KCNK1: variants seen among roughly 807,000 people sequenced by gnomAD.
KCNK1 encodes potassium two pore domain channel subfamily K member 1.
In KCNK1, 10 loss-of-function variants were observed where a neutral mutation model predicts 22.2. The ratio of observed to expected loss-of-function variants is 0.45; its 90% CI spans 0.28 to 0.76. KCNK1 has a LOEUF of 0.76. Ranked by LOEUF, KCNK1 falls within the 30% of genes least tolerant of loss-of-function variation. The pLI is 0.14. For synonymous variants in KCNK1, 200 were observed against 186.4 expected (o/e 1.07, Z -0.60); for missense variants, 378 against 421.0 (o/e 0.90, Z 0.89).
At chr1:233,659,331 G>A (rs1658351712) in intron 1 of KCNK1, among the ~76,000 whole-genome samples, 1 of 151,256 alleles carries the variant, frequency 6.6e-6, no homozygotes, top group Non-Finnish European at 1.5e-5. Context: ...CACGCATGGA[G>A]CTGTCATTTC....
intron 1 of KCNK1, among the ~76,000 whole-genome samples, chr1:233,640,484 A>T (rs916727356): frequency 1.3e-5 from 2 of 152,274 alleles, no homozygotes; most frequent in Non-Finnish European, 2.9e-5. Context: ...CAGACTTAGA[A>T]GTAATTAATT....
chr1:233,627,291 G>T (rs887248983), intron 1 of KCNK1, among the ~76,000 whole-genome samples: 1 of 152,136 alleles, frequency 6.6e-6, no homozygotes, highest in African/African-American at 2.4e-5. Context: ...TAAATAACAG[G>T]AAGGGAAATA....
chr1:233,641,638 T>G (rs1200145993), intron 1 of KCNK1, among the ~76,000 whole-genome samples: 2 of 152,200 alleles, frequency 1.3e-5, no homozygotes, highest in Admixed American at 1.3e-4. Flanking sequence ...CTTCCTGTGC[T>G]GGGGTCAGGG....
chr1:233,633,475 G>A (rs57686231), intron 1 of KCNK1, among the ~76,000 whole-genome samples: 10,566 of 152,108 alleles, frequency 0.069, 1,194 homozygotes, highest in African/African-American at 0.24. Flanking sequence ...TCTTGAATCT[G>A]AGAATATGTG....
At chr1:233,643,507 CTG>C (rs2102896686) in intron 1 of KCNK1, among the ~76,000 whole-genome samples, 1 of 152,310 alleles carries the variant, frequency 6.6e-6, no homozygotes, top group Non-Finnish European at 1.5e-5. Flanking sequence ...TCTTTAAACA[CTG>C]TACCTCCTCC....
At chr1:233,657,786 C>A (rs1284333379) in intron 1 of KCNK1, among the ~76,000 whole-genome samples, 2 of 151,690 alleles carry the variant, frequency 1.3e-5, no homozygotes, top group Admixed American at 1.3e-4. Flanking sequence ...TATCTTACTG[C>A]AAATTTTACT....
intron 1 of KCNK1, among the ~76,000 whole-genome samples, chr1:233,623,290 G>A (rs927990029): frequency 2.6e-5 from 4 of 152,160 alleles, no homozygotes; most frequent in African/African-American, 9.7e-5. Flanking sequence ...GAAGGGTACG[G>A]GGAGGGGGGA....
chr1:233,629,949 TAA>T (rs1204474998), intron 1 of KCNK1: 1 of 152,114 alleles, frequency 6.6e-6, no homozygotes, highest in Non-Finnish European at 1.5e-5. Context: ...CGTAGGAATA[TAA>T]GTTTTTTCTG....
intron 1 of KCNK1, among the ~76,000 whole-genome samples, chr1:233,642,104 G>T (rs562639781): frequency 1.6e-4 from 25 of 152,182 alleles, no homozygotes; most frequent in African/African-American, 6.0e-4. Context: ...AGGGCAGAGA[G>T]CTCCCCTGCG....
intron 1 of KCNK1, among the ~76,000 whole-genome samples, chr1:233,616,291 C>T (rs570509268): frequency 1.3e-5 from 2 of 152,158 alleles, no homozygotes; most frequent in Non-Finnish European, 2.9e-5. Flanking sequence ...AGAATAAGAA[C>T]AGTTTTGAGG....
At chr1:233,626,117 C>T (rs1657684611) in intron 1 of KCNK1, among the ~76,000 whole-genome samples, 1 of 149,286 alleles carries the variant, frequency 6.7e-6, no homozygotes, top group Admixed American at 6.7e-5. Flanking sequence ...CCCAGGGGGT[C>T]ATCGGACCAC....
chr1:233,621,168 G>A (rs1018769637), intron 1 of KCNK1, among the ~76,000 whole-genome samples: 2 of 152,192 alleles, frequency 1.3e-5, no homozygotes, highest in Non-Finnish European at 2.9e-5. Flanking sequence ...ATTTCAAAAT[G>A]TGACTGTATT....
intron 1 of KCNK1, among the ~76,000 whole-genome samples, chr1:233,645,365 G>C (rs1658074941): frequency 6.6e-6 from 1 of 152,150 alleles, no homozygotes; most frequent in South Asian, 2.1e-4. Flanking sequence ...ATTAAGTTAA[G>C]GATCTCCAGA....
At chr1:233,635,610 A>G (rs1657884265) in intron 1 of KCNK1, among the ~76,000 whole-genome samples, 1 of 152,160 alleles carries the variant, frequency 6.6e-6, no homozygotes, top group African/African-American at 2.4e-5. Flanking sequence ...TTTGTTAAAA[A>G]CTAAGCTATG....
intron 1 of KCNK1, among the ~76,000 whole-genome samples, chr1:233,626,139 G>A (rs1014342208): frequency 2.0e-5 from 3 of 151,952 alleles, no homozygotes; most frequent in Admixed American, 1.3e-4. Context: ...GATGCCTCTC[G>A]GTGACTCAGA....
At chr1:233,659,493 C>A (rs959240706) in intron 1 of KCNK1, among the ~76,000 whole-genome samples, 3 of 150,802 alleles carry the variant, frequency 2.0e-5, no homozygotes, top group Non-Finnish European at 4.4e-5. Context: ...GGAATACAAT[C>A]TAAAATAATG....
intron 1 of KCNK1, among the ~76,000 whole-genome samples, chr1:233,630,159 T>A (rs1289939415): frequency 6.6e-6 from 1 of 152,166 alleles, no homozygotes; most frequent in Non-Finnish European, 1.5e-5. Flanking sequence ...GGTGTACCTG[T>A]AGGATGCTGC....
At chr1:233,666,482 T>C (rs1571905844) in intron 1 of KCNK1, 113 bp from the exon 2 acceptor site, 1 of 1,007,236 alleles carries the variant, frequency 9.9e-7, no homozygotes, top group South Asian at 1.7e-5. Context: ...GAAGTCTCGC[T>C]GTTCTCTTTG....
At chr1:233,645,180 T>G (rs1167719863) in intron 1 of KCNK1, among the ~76,000 whole-genome samples, 1 of 148,342 alleles carries the variant, frequency 6.7e-6, no homozygotes, top group South Asian at 2.1e-4. Flanking sequence ...GGTGACAGAG[T>G]GAGACTTTGT....
Sources: gnomAD v4.1 joint callset for allele counts (sites outside exome capture counted in the v4.1 genomes callset) on GRCh38, gnomAD v4.1.1 for gene constraint, MANE v1.5 for transcripts, NCBI Gene and HGNC (gene_info 2026-07-23, HGNC 2026-07-21) for gene names.